Variants in EPB41L3 observed in about 807,000 individuals in gnomAD.
EPB41L3 encodes band 4.1-like protein 3.
In EPB41L3, 57 loss-of-function variants were observed where a neutral mutation model predicts 127.1. The observed-to-expected ratio is 0.45, with a 90% CI of 0.36 to 0.56. The LOEUF is 0.56. Among genes scored for constraint, EPB41L3 ranks in the 20% least tolerant of loss-of-function variants. The pLI, the probability that EPB41L3 is intolerant of heterozygous loss-of-function variation, is 0.00. For synonymous variants in EPB41L3, 572 were observed against 549.5 expected (o/e 1.04, Z -0.57); for missense variants, 1,273 against 1,372.2 (o/e 0.93, Z 1.14).
rs2094228012 is a variant in EPB41L3 at position 5,567,898 on chromosome 18, T to C, written c.-306+44442A>G. On this transcript the variant is annotated intron_variant, in intron 3 of 21. Coordinates refer to the EPB41L3 transcript ENST00000545076. ...CAATCACTTAATCCAGAGAATATTT[T>C]TTAAAACTGAGAATATTATAGTCAC... Among the ~76,000 whole-genome samples the C allele has an allele frequency of 3.3e-5, 5 of 152,184 alleles. No individual in the cohort carries two copies. The South Asian group carries it at 8.3e-4, about 25-fold the overall frequency.
At chr18:5,572,299 C>A (rs1306279236) in intron 3 of EPB41L3, among the ~76,000 whole-genome samples, 1 of 152,188 alleles carries the variant, frequency 6.6e-6, no homozygotes, top group African/African-American at 2.4e-5. Flanking sequence ...CCCAACCCAC[C>A]TTTGTCAACT....
At chr18:5,439,778 T>C (rs971235368) in intron 5 of EPB41L3, among the ~76,000 whole-genome samples, 2 of 152,226 alleles carry the variant, frequency 1.3e-5, no homozygotes, top group African/African-American at 4.8e-5. Flanking sequence ...CCTATTAAAA[T>C]AGATCCCTTC....
intron 3 of EPB41L3, among the ~76,000 whole-genome samples, chr18:5,462,489 T>C (rs11874161): frequency 0.33 from 49,591 of 152,094 alleles, 8,430 homozygotes; most frequent in East Asian, 0.47. Flanking sequence ...GATGCTTTTC[T>C]ACGCACTCTC....
In EPB41L3 at chr18:5,392,852, T is replaced by A. The variant is rs1362484556; in HGVS notation, c.*633A>T. 6.6e-6 allele frequency: 1 copy of A among 152,562 alleles called. No individual in the cohort carries two copies. Among genetic ancestry groups the A allele is most frequent in the Non-Finnish European group, 1.5e-5 (1 of 68,044 alleles). 9.5% of individuals were successfully genotyped at this position (152,562 alleles called of 1,614,324 possible). A position where few individuals can be genotyped will look rare whatever the true frequency, so the allele number is the denominator to read the frequency against. On this transcript the variant is annotated 3_prime_UTR_variant, in exon 23 of 23. Coordinates refer to ENST00000341928, the MANE Select transcript of EPB41L3 (RefSeq NM_012307.5). ...AAAATCAGTACTACCTTATAACAAA[T>A]TAAATGAGATACACAAAGCAAGATT...
chr18:5,509,036 A>AAC (rs2092383214), intron 1 of EPB41L3, among the ~76,000 whole-genome samples: 2 of 152,226 alleles, frequency 1.3e-5, no homozygotes, highest in African/African-American at 4.8e-5. Context: ...CAGTAGGGAA[A>AAC]ACACCCTTGA....
intron 3 of EPB41L3, among the ~76,000 whole-genome samples, chr18:5,473,107 G>C (rs1294323239): frequency 6.6e-6 from 1 of 152,014 alleles, no homozygotes; most frequent in East Asian, 1.9e-4. Flanking sequence ...ATGTGTTATG[G>C]CTGCATTTAA....
At chr18:5,423,297 T>C (rs1187301567) in intron 11 of EPB41L3, 81 bp downstream of exon 11, 18 of 1,361,058 alleles carry the variant, frequency 1.3e-5, no homozygotes, top group East Asian at 2.4e-5. Context: ...GGAATATCTA[T>C]ACTTACTGAA....
intron 1 of EPB41L3, among the ~76,000 whole-genome samples, chr18:5,498,663 C>T (rs1465407413): frequency 6.6e-6 from 1 of 150,406 alleles, no homozygotes; most frequent in East Asian, 2.0e-4. Context: ...AAGGCACCCT[C>T]ACAACAGCAT....
At chr18:5,406,749 G>A (rs761477301) in intron 16 of EPB41L3, 28 bp downstream of exon 16, 12 of 1,594,102 alleles carry the variant, frequency 7.5e-6, no homozygotes, top group East Asian at 2.2e-5. Flanking sequence ...AACAGAATAC[G>A]AGTCTGACCA....
At chr18:5,618,992 C>T (rs1314987508) in intron 1 of EPB41L3, among the ~76,000 whole-genome samples, 1 of 152,076 alleles carries the variant, frequency 6.6e-6, no homozygotes, top group Non-Finnish European at 1.5e-5. Context: ...AAAATATTAC[C>T]CTAGTTAACT....
chr18:5,396,501 G>A (rs2073501580), intron 18 of EPB41L3, among the ~76,000 whole-genome samples, 169 bp from the exon 19 acceptor site: 1 of 150,254 alleles, frequency 6.7e-6, no homozygotes, highest in African/African-American at 2.4e-5. Context: ...CAGTCTCCTG[G>A]ACTCTCATAG....
At chr18:5,396,514 C>G (rs58817821) in intron 18 of EPB41L3, among the ~76,000 whole-genome samples, 182 bp from the exon 19 acceptor site, 1 of 151,990 alleles carries the variant, frequency 6.6e-6, no homozygotes, top group Non-Finnish European at 1.5e-5. Flanking sequence ...TCTCATAGCA[C>G]TTTTATATGA....
chr18:5,573,560 T>C (rs1168522582), intron 3 of EPB41L3, among the ~76,000 whole-genome samples: 2 of 152,140 alleles, frequency 1.3e-5, no homozygotes, highest in Non-Finnish European at 2.9e-5. Context: ...AGATCATCAG[T>C]GGGGAAGAGG....
intron 8 of EPB41L3, among the ~76,000 whole-genome samples, chr18:5,432,243 C>T (rs747821369): frequency 1.3e-5 from 2 of 152,192 alleles, no homozygotes; most frequent in African/African-American, 4.8e-5. Flanking sequence ...TGCAATGGGT[C>T]CGCAGGGGTG....
At chr18:5,526,738 T>C (rs1295668985) in intron 1 of EPB41L3, among the ~76,000 whole-genome samples, 1 of 152,222 alleles carries the variant, frequency 6.6e-6, no homozygotes, top group Non-Finnish European at 1.5e-5. Context: ...AACTAAGTTA[T>C]AAATGATGTT....
chr18:5,540,674 G>C, intron 1 of EPB41L3: 3 of 446,846 alleles, frequency 6.7e-6, no homozygotes, highest in Non-Finnish European at 8.9e-6. Context: ...AACTGAAGTG[G>C]TGCTAAAGAT....
At chr18:5,445,830 A>G (rs913934152) in intron 3 of EPB41L3, among the ~76,000 whole-genome samples, 1 of 152,152 alleles carries the variant, frequency 6.6e-6, no homozygotes, top group Non-Finnish European at 1.5e-5. Context: ...TTCGAACCCT[A>G]TTGTGAACTG....
chr18:5,401,854 C>T (rs1598466328), intron 16 of EPB41L3, among the ~76,000 whole-genome samples: 1 of 152,120 alleles, frequency 6.6e-6, no homozygotes, highest in Admixed American at 6.5e-5. Flanking sequence ...TTGAACCAAG[C>T]GTTCAACTTC....
At chr18:5,409,998 A>G (rs2075998481) in intron 14 of EPB41L3, among the ~76,000 whole-genome samples, 1 of 152,166 alleles carries the variant, frequency 6.6e-6, no homozygotes, top group African/African-American at 2.4e-5. Context: ...AAAATAAAGT[A>G]CTAACAGTAA....
Sources: allele counts gnomAD v4.1 joint callset (sites outside exome capture counted in the v4.1 genomes callset), GRCh38; gene constraint gnomAD v4.1.1; transcripts MANE v1.5; gene names NCBI Gene and HGNC (gene_info 2026-07-23, HGNC 2026-07-21).